RANBP9: variants seen among roughly 807,000 people sequenced by gnomAD.
RANBP9 encodes the protein RAN binding protein 9, also known as ran-binding protein 9.
RANBP9 carries 15 observed loss-of-function variants against 84.3 expected under a neutral mutation model. That is an observed-to-expected ratio of 0.18 (90% CI 0.12 to 0.27). RANBP9 has a LOEUF of 0.27. Among genes scored for constraint, RANBP9 ranks in the 10% least tolerant of loss-of-function variants. The pLI is 1.00. For synonymous variants in RANBP9, 392 were observed against 349.6 expected (o/e 1.12, Z -1.35); for missense variants, 809 against 912.8 (o/e 0.89, Z 1.46).
chr6:13,635,782 T>G (rs1764922609), intron 10 of RANBP9, among the ~76,000 whole-genome samples: 1 of 151,944 alleles, frequency 6.6e-6, no homozygotes, highest in Non-Finnish European at 1.5e-5. Context: ...CATCACAGCT[T>G]TCAGTGGCTT....
intron 5 of RANBP9, among the ~76,000 whole-genome samples, chr6:13,649,220 ATAC>A (rs1765238515): frequency 6.6e-6 from 1 of 152,144 alleles, no homozygotes; most frequent in Admixed American, 6.5e-5. Context: ...AAAATGAAAA[ATAC>A]TACACTAAAA....
intron 2 of RANBP9, among the ~76,000 whole-genome samples, chr6:13,691,654 T>TG (rs1766324197): frequency 1.3e-5 from 2 of 152,236 alleles, no homozygotes; most frequent in South Asian, 4.1e-4. Flanking sequence ...AGTGTTTTTT[T>TG]TTTGTTTGTT....
chr6:13,699,374 A>C (rs1757914166), intron 1 of RANBP9, among the ~76,000 whole-genome samples: 1 of 152,222 alleles, frequency 6.6e-6, no homozygotes, highest in South Asian at 2.1e-4. Context: ...AAAAGGTATA[A>C]GGAAAAGTTT....
intron 10 of RANBP9, 34 bp downstream of exon 10, chr6:13,637,774 T>A (rs765046204): frequency 1.3e-6 from 2 of 1,526,878 alleles, no homozygotes; most frequent in Non-Finnish European, 1.8e-6. Context: ...ACTAGGTTGC[T>A]TATATTAGTG....
At chr6:13,639,392 C>A (rs184133126) in intron 9 of RANBP9, among the ~76,000 whole-genome samples, 171 bp downstream of exon 9, 1 of 152,110 alleles carries the variant, frequency 6.6e-6, no homozygotes, top group Non-Finnish European at 1.5e-5. Context: ...GTTGGCCAGG[C>A]TGGTCTCGAA....
At chr6:13,658,512 G>T (rs1390758252) in intron 3 of RANBP9, among the ~76,000 whole-genome samples, 1 of 152,074 alleles carries the variant, frequency 6.6e-6, no homozygotes, top group Non-Finnish European at 1.5e-5. Flanking sequence ...GGGAGGCTGA[G>T]GGCAGGAAAA....
chr6:13,699,850 ACT>A, intron 1 of RANBP9, among the ~76,000 whole-genome samples: 1 of 152,078 alleles, frequency 6.6e-6, no homozygotes, highest in Non-Finnish European at 1.5e-5. Context: ...ATAGAGTGAG[ACT>A]CTGTCCCAAA....
At position 13,642,673 on chromosome 6, in the gene RANBP9, T is replaced by C. The variant is rs1026042697; in HGVS notation, c.1113-82A>G. ...CTACAATTTATATAAACAAAATCTA[T>C]TCTGGTGTTATAAAAACGAACCTAT... On this transcript the variant is annotated intron_variant, in intron 6 of 13. Coordinates refer to ENST00000011619, the MANE Select transcript of RANBP9 (RefSeq NM_005493.3). 6.4e-6 allele frequency: 6 copies of C among 938,922 alleles called. No homozygotes were observed. In the African/African-American group the frequency reaches 8.7e-5, roughly 14 times the overall value. 58.2% of individuals were successfully genotyped at this position (938,922 alleles called of 1,614,324 possible).
rs570351529 is a variant in RANBP9, at chr6:13,673,725, T to G, written c.684-14893A>C. On this transcript the variant is annotated intron_variant, in intron 2 of 13. Transcript: ENST00000011619. ...CTCTAAGGGAAACTACCAAAAAATCTTTTTTAAAGAAGTACAATTAGTATT... is the reference window on the plus strand; with the variant it reads ...CTCTAAGGGAAACTACCAAAAAATCGTTTTTAAAGAAGTACAATTAGTATT... Among the ~76,000 whole-genome samples the G allele has an allele frequency of 7.2e-5, 11 of 152,240 alleles. No individual in the cohort carries two copies. In the East Asian group the frequency reaches 2.1e-3, roughly 29 times the overall value.
rs144450828 is a variant in RANBP9 at position 13,650,599 on chromosome 6, G to GAAA, written c.927+2057_927+2059dup. 4.3e-3 allele frequency among the ~76,000 whole-genome samples: 655 copies of GAAA among 152,244 alleles called. 4 individuals are homozygous for GAAA. The highest frequency in any genetic ancestry group is 0.015 in the African/African-American group (626 of 41,544). On this transcript the variant is annotated intron_variant, in intron 5 of 13. Transcript: ENST00000011619. Reference sequence around the variant, plus strand: ...TTGGGACTGAGTTGCTTTTCCTGATGAAATTTTCATTTTCGTGATATTGGT... The same window carrying GAAA: ...TTGGGACTGAGTTGCTTTTCCTGATGAAAAAATTTTCATTTTCGTGATATTGGT...
chr6:13,689,826 T>C (rs1448373860), intron 2 of RANBP9, among the ~76,000 whole-genome samples: 1 of 152,204 alleles, frequency 6.6e-6, no homozygotes, highest in Non-Finnish European at 1.5e-5. Context: ...TTCCCATACA[T>C]GGTCTCATTT....
At chr6:13,700,186 A>G (rs1479457571) in intron 1 of RANBP9, among the ~76,000 whole-genome samples, 2 of 152,186 alleles carry the variant, frequency 1.3e-5, no homozygotes, top group African/African-American at 4.8e-5. Flanking sequence ...GTTTGAATAA[A>G]CCATTCTACC....
At chr6:13,700,160 C>T (rs1269939519) in intron 1 of RANBP9, among the ~76,000 whole-genome samples, 1 of 152,182 alleles carries the variant, frequency 6.6e-6, no homozygotes, top group Non-Finnish European at 1.5e-5. Context: ...TTTATTCAAA[C>T]AATCTGATGG....
Position 13,627,482 on chromosome 6 carries a change from TAGTC to T in RANBP9, c.1948-1722_1948-1719del, listed in dbSNP as rs375197636. Among the ~76,000 whole-genome samples, 1,287 of 151,630 alleles carry T rather than the reference TAGTC, an allele frequency of 8.5e-3. 14 individuals are homozygous for T. The highest frequency in any genetic ancestry group is 0.028 in the African/African-American group (1,163 of 41,312). ...CCATCTCCACTAAAAATACAAAAAT[TAGTC>T]AGGCATGGTGGTGCATGCCTCTAAT... On this transcript the variant is annotated intron_variant, in intron 12 of 13. Transcript: ENST00000011619.
At chr6:13,710,790 C>G (rs1758256685) in intron 1 of RANBP9, 145 bp downstream of exon 1, 2 of 865,646 alleles carry the variant, frequency 2.3e-6, no homozygotes, top group Admixed American at 6.7e-5. Context: ...CCCGCGCCCA[C>G]CCGGAGCAGC....
chr6:13,669,586 A>G (rs1765727161), intron 2 of RANBP9, among the ~76,000 whole-genome samples: 2 of 152,134 alleles, frequency 1.3e-5, no homozygotes, highest in Non-Finnish European at 2.9e-5. Context: ...CGATCAATTA[A>G]TTTTGTTATT....
chr6:13,677,956 T>C (rs1047388882), intron 2 of RANBP9, among the ~76,000 whole-genome samples: 2 of 151,858 alleles, frequency 1.3e-5, no homozygotes, highest in South Asian at 2.1e-4. Context: ...CGTCTCTACA[T>C]AAAATATAAA....
At chr6:13,697,461 C>T (rs750270169) in intron 1 of RANBP9, among the ~76,000 whole-genome samples, 5 of 152,130 alleles carry the variant, frequency 3.3e-5, no homozygotes, top group Non-Finnish European at 7.4e-5. Context: ...ATCTCTTGGG[C>T]CAATAATAGC....
chr6:13,705,264 C>T (rs1165332548), intron 1 of RANBP9, among the ~76,000 whole-genome samples: 1 of 151,652 alleles, frequency 6.6e-6, no homozygotes, highest in African/African-American at 2.4e-5. Flanking sequence ...ATTAGCCAGG[C>T]GTGGTGGCAG....
Sources: allele counts gnomAD v4.1 joint callset (sites outside exome capture counted in the v4.1 genomes callset), GRCh38; gene constraint gnomAD v4.1.1; transcripts MANE v1.5; gene names NCBI Gene and HGNC (gene_info 2026-07-23, HGNC 2026-07-21).